PTPN11: variants seen among roughly 807,000 people sequenced by gnomAD.
The protein encoded by PTPN11 is tyrosine-protein phosphatase non-receptor type 11.
PTPN11 carries 6 observed loss-of-function variants against 78.8 expected under a neutral mutation model. The ratio of observed to expected loss-of-function variants is 0.08; its 90% CI spans 0.04 to 0.15. PTPN11 has a LOEUF of 0.15. PTPN11 is among the 10% of genes least tolerant of loss of function. The pLI is 1.00. For missense variants in PTPN11, 386 were observed against 744.8 expected (o/e 0.52, Z 5.61); for synonymous variants, 221 against 263.5 (o/e 0.84, Z 1.56).
At chr12:112,467,991 G>GT (rs550173982) in intron 6 of PTPN11, among the ~76,000 whole-genome samples, 3 of 152,136 alleles carry the variant, frequency 2.0e-5, no homozygotes, top group Non-Finnish European at 2.9e-5. Context: ...GTTTTATGCA[G>GT]TTTTTTTGGC....
chr12:112,504,207 T>C lies in PTPN11; in HGVS notation c.1713-488T>C, dbSNP rs1333809378. On this transcript the variant is annotated intron_variant, in intron 14 of 15. Transcript: ENST00000351677. The surrounding 1 kb of genome is among the most constrained non-coding windows in gnomAD (Gnocchi z 4.7). ...TGAGGCTTTTATTGCACTTCTGTTGTTTTTTTGAGATGGAGTCTCGCTCTG... is the reference window on the plus strand; with the variant it reads ...TGAGGCTTTTATTGCACTTCTGTTGCTTTTTTGAGATGGAGTCTCGCTCTG... 6.7e-6 allele frequency among the ~76,000 whole-genome samples: 1 copy of C among 149,354 alleles called. No individual in the cohort carries two copies. The highest frequency in any genetic ancestry group is 6.6e-5 in the Admixed American group (1 of 15,080).
chr12:112,432,356 A>G (rs2037725949), intron 1 of PTPN11, among the ~76,000 whole-genome samples: 1 of 152,180 alleles, frequency 6.6e-6, no homozygotes, highest in Non-Finnish European at 1.5e-5. Context: ...GACGGCATAC[A>G]TAATGGTGGT....
intron 1 of PTPN11, among the ~76,000 whole-genome samples, chr12:112,424,956 T>TTGTGTGTGTGTG (rs34463047): frequency 2.9e-4 from 26 of 88,996 alleles, no homozygotes; most frequent in Admixed American, 6.6e-4. Context: ...GTCAGGCTAA[T>TTGTGTGTGTGTG]TGTGTGTGTG....
intron 3 of PTPN11, among the ~76,000 whole-genome samples, chr12:112,452,484 C>T (rs989578784): frequency 6.6e-6 from 1 of 151,928 alleles, no homozygotes; most frequent in Non-Finnish European, 1.5e-5. Context: ...CCTCGGCCTC[C>T]CAAAGTGTTG....
rs181078549 is a variant in PTPN11, at chr12:112,465,964, T to C, written c.757-6980T>C. 3.0e-3 allele frequency among the ~76,000 whole-genome samples: 464 copies of C among 152,324 alleles called. 5 individuals carry two copies. The highest frequency in any genetic ancestry group is 4.9e-3 in the Non-Finnish European group (331 of 68,030). The stretch of plus-strand genomic sequence containing the variant: ...AGACACTTCTGGTTGCAGTGACTTA[T>C]TCCTTCCTTCATTCAGCAAATACTG... On this transcript the variant is annotated intron_variant, in intron 6 of 15. Transcript: ENST00000351677.
intron 10 of PTPN11, among the ~76,000 whole-genome samples, chr12:112,485,245 C>T (rs1592852066): frequency 1.3e-5 from 2 of 151,912 alleles, no homozygotes; most frequent in East Asian, 3.9e-4. Context: ...CAGAGTGAGA[C>T]TCTGTCTCAA....
At chr12:112,439,293 C>T (rs911284158) in intron 1 of PTPN11, among the ~76,000 whole-genome samples, 2 of 151,804 alleles carry the variant, frequency 1.3e-5, no homozygotes, top group Non-Finnish European at 2.9e-5. Context: ...AAAATTTATT[C>T]TTATTTTATT....
At chr12:112,430,949 C>G (rs1370587691) in intron 1 of PTPN11, among the ~76,000 whole-genome samples, 2 of 152,158 alleles carry the variant, frequency 1.3e-5, no homozygotes, top group African/African-American at 4.8e-5. Context: ...CTTGTCAGTA[C>G]CACCGATTGG....
intron 2 of PTPN11, among the ~76,000 whole-genome samples, chr12:112,449,043 C>T (rs926102604): frequency 2.6e-5 from 4 of 151,734 alleles, no homozygotes; most frequent in Non-Finnish European, 5.9e-5. Context: ...CCTGCCACCA[C>T]GCCCAGCTAA....
In PTPN11 at chr12:112,482,524, G is replaced by A. The variant is rs929693225; in HGVS notation, c.1224+319G>A. Reference sequence around the variant, plus strand: ...CTGAGGTGGGTGGATCGCTTGAGCCGGGGAGTTCGAGACCAGCCCTGGGTG... The same window carrying A: ...CTGAGGTGGGTGGATCGCTTGAGCCAGGGAGTTCGAGACCAGCCCTGGGTG... On this transcript the variant is annotated intron_variant, in intron 10 of 15. Coordinates refer to ENST00000351677, the MANE Select transcript of PTPN11 (RefSeq NM_002834.5). The surrounding 1 kb of genome is among the most constrained non-coding windows in gnomAD (Gnocchi z 4.4). 1.1e-4 allele frequency among the ~76,000 whole-genome samples: 16 copies of A among 152,238 alleles called. No individual in the cohort carries two copies. The highest frequency in any genetic ancestry group is 8.3e-4 in the South Asian group (4 of 4,820).
rs759551230 is a variant in PTPN11 at position 112,502,187 on chromosome 12, C to G, written c.1643C>G (p.Ser548Cys). Residue 548 changes from serine (S) to cysteine (C), a missense_variant, in exon 14 of 16, where the codon TCT (serine) becomes TGT (cysteine). Physicochemically the swap from Ser to Cys is moderately radical, Grantham distance 112. Transcript: ENST00000351677. The part of the protein sequence containing the change: ...KGHEYTNIKY[S>C]LADQTSGDQS... ...CACGAATATACAAATATTAAGTATT[C>G]TCTAGCGGACCAGACGAGTGGAGAT... 1 of 1,613,946 alleles carries G rather than the reference C, an allele frequency of 6.2e-7. No individual in the cohort carries two copies. The highest frequency in any genetic ancestry group is 8.5e-7 in the Non-Finnish European group (1 of 1,179,836).
intron 1 of PTPN11, among the ~76,000 whole-genome samples, chr12:112,443,538 G>A (rs1966342): frequency 0.24 from 35,719 of 151,508 alleles, 6,890 homozygotes; most frequent in East Asian, 0.85. Context: ...TTGGAATTTT[G>A]TGAGACGGGG....
chr12:112,424,346 A>G (rs1269412925), intron 1 of PTPN11, among the ~76,000 whole-genome samples: 1 of 152,170 alleles, frequency 6.6e-6, no homozygotes, highest in Non-Finnish European at 1.5e-5. Context: ...TAATGTCTTT[A>G]GTGTCATGTG....
Position 112,504,406 on chromosome 12 carries a change from G to A in PTPN11, c.1713-289G>A, listed in dbSNP as rs1415131974. Among the ~76,000 whole-genome samples the A allele has an allele frequency of 6.6e-6, 1 of 152,216 alleles. No individual in the cohort carries two copies. The highest frequency in any genetic ancestry group is 1.5e-5 in the Non-Finnish European group (1 of 68,050). On this transcript the variant is annotated intron_variant, in intron 14 of 15. Coordinates refer to ENST00000351677, the MANE Select transcript of PTPN11 (RefSeq NM_002834.5). The surrounding 1 kb of genome is among the most constrained non-coding windows in gnomAD (Gnocchi z 4.7). ...AGACGGGGTTCACCATATTGGCCAG[G>A]CTGGTCTCAAACTCCTGACCTCGTG...
intron 2 of PTPN11, among the ~76,000 whole-genome samples, chr12:112,446,638 A>C (rs2037998324): frequency 6.6e-6 from 1 of 152,020 alleles, no homozygotes; most frequent in Non-Finnish European, 1.5e-5. Flanking sequence ...AGAAGTTCTT[A>C]AGCCCTCCAG....
intron 1 of PTPN11, among the ~76,000 whole-genome samples, chr12:112,443,412 A>G (rs1289492274): frequency 1.3e-5 from 2 of 149,328 alleles, no homozygotes; most frequent in Non-Finnish European, 3.0e-5. Context: ...AGGCTGGAGT[A>G]TAATGATGCG....
At chr12:112,429,822 A>G (rs1245525925) in intron 1 of PTPN11, among the ~76,000 whole-genome samples, 1 of 151,518 alleles carries the variant, frequency 6.6e-6, no homozygotes. Context: ...AACAACAACA[A>G]AAAAAGAAAT....
intron 1 of PTPN11, among the ~76,000 whole-genome samples, chr12:112,420,640 C>A (rs1039380615): frequency 2.0e-5 from 3 of 152,178 alleles, no homozygotes; most frequent in African/African-American, 7.2e-5. Flanking sequence ...CCGTACCCAG[C>A]CTGAATGAGA....
intron 6 of PTPN11, among the ~76,000 whole-genome samples, chr12:112,462,264 C>T (rs1217362320): frequency 2.8e-4 from 43 of 151,982 alleles, no homozygotes; most frequent in Admixed American, 2.7e-3. Context: ...GAGGCTGTGG[C>T]GAGAGTAGGC....
Sources: allele counts gnomAD v4.1 joint callset (sites outside exome capture counted in the v4.1 genomes callset), GRCh38; gene constraint gnomAD v4.1.1; non-coding constraint Gnocchi (gnomAD v3.1); transcripts MANE v1.5; gene names NCBI Gene and HGNC (gene_info 2026-07-23, HGNC 2026-07-21).